GP2: variants seen among roughly 807,000 people sequenced by gnomAD.
GP2 encodes pancreatic secretory granule membrane major glycoprotein GP2.
A neutral mutation model predicts 60.8 loss-of-function variants in GP2; 58 were observed. The observed-to-expected ratio is 0.95, with a 90% CI of 0.77 to 1.19. The LOEUF (loss-of-function observed/expected upper bound fraction) is 1.19. Among genes scored for constraint, GP2 ranks in the 50% most tolerant of loss-of-function variants. The pLI, the probability that GP2 is intolerant of heterozygous loss-of-function variation, is 0.00. For missense variants in GP2, 647 were observed against 667.4 expected (o/e 0.97, Z 0.34); for synonymous variants, 280 against 253.4 (o/e 1.10, Z -1.00).
intron 4 of GP2, 40 bp downstream of exon 4, chr16:20,322,829 C>T (rs919879031): frequency 9.1e-7 from 1 of 1,093,814 alleles, no homozygotes; most frequent in African/African-American, 1.5e-5. Flanking sequence ...CCTGCCCTGC[C>T]CCCTCAGGAT....
intron 10 of GP2, 72 bp from the exon 11 acceptor site, chr16:20,311,353 T>C: frequency 1.1e-6 from 1 of 887,558 alleles, no homozygotes; most frequent in East Asian, 2.4e-5. Flanking sequence ...TTGGCCTCTT[T>C]GTCTTTCACA....
intron 2 of GP2, among the ~76,000 whole-genome samples, chr16:20,325,221 C>A (rs1381580418): frequency 6.6e-6 from 1 of 152,220 alleles, no homozygotes; most frequent in Non-Finnish European, 1.5e-5. Flanking sequence ...GACTCATTGG[C>A]AAAACCACAC....
chr16:20,320,808 A>T (rs116563128), intron 4 of GP2, among the ~76,000 whole-genome samples: 1 of 152,340 alleles, frequency 6.6e-6, no homozygotes, highest in South Asian at 2.1e-4. Flanking sequence ...CATCTGACCA[A>T]GTTCAGAGCT....
At chr16:20,322,830 C>G (rs762786752) in intron 4 of GP2, 39 bp downstream of exon 4, 22 of 1,108,114 alleles carry the variant, frequency 2.0e-5, no homozygotes, top group Non-Finnish European at 1.9e-5. Context: ...CTGCCCTGCC[C>G]CCTCAGGATG....
chr16:20,318,214 G>A lies in GP2; in HGVS notation c.1224C>T (p.Asp408=), dbSNP rs1456517318. ...TTCTGATGATGAAATACTTCACAAGGTCAGCCTTGTCTTCAGTGGGGGTGG... is the reference window on the plus strand; with the variant it reads ...TTCTGATGATGAAATACTTCACAAGATCAGCCTTGTCTTCAGTGGGGGTGG... ...CYATPTEDKA[D]LVKYFIIRNS... The change falls in exon 7 of 11, where the codon GAC becomes GAT. Residue 408 remains aspartate, a synonymous_variant. Transcript: ENST00000302555. The A allele has an allele frequency of 3.1e-6, 5 of 1,613,100 alleles. No homozygotes were observed. Among genetic ancestry groups the A allele is most frequent in the Non-Finnish European group, 4.2e-6 (5 of 1,179,154 alleles).
At chr16:20,323,284 GT>G in intron 3 of GP2, 5 of 693,790 alleles carry the variant, frequency 7.2e-6, no homozygotes, top group Non-Finnish European at 1.3e-5. Flanking sequence ...AGAATGCCAA[GT>G]TCAAATCCCA....
At chr16:20,316,536 A>G (rs1028910909) in intron 8 of GP2, among the ~76,000 whole-genome samples, 6 of 152,188 alleles carry the variant, frequency 3.9e-5, no homozygotes, top group Admixed American at 1.3e-4. Context: ...AGGCAAAATA[A>G]TCTACTTACA....
rs767119380 is a variant in GP2, at chr16:20,310,280, T to G, written c.*943A>C. ...AGGTACTCCCTTGGGTGATGGAGTT[T>G]CTGCATCAAATTAAGTCATTCCTCC... is the stretch of plus-strand genomic sequence containing the variant. On this transcript the variant is annotated 3_prime_UTR_variant, in exon 11 of 11. Transcript: ENST00000302555. 2 of 152,184 alleles carry G rather than the reference T, an allele frequency of 1.3e-5. No individual in the cohort carries two copies. Among genetic ancestry groups the G allele is most frequent in the African/African-American group, 2.4e-5 (1 of 41,420 alleles). The allele number at this position is 152,184 out of a possible 1,614,324, so 9.4% of individuals were successfully genotyped here.
chr16:20,312,853 T>G (rs1964030198), intron 10 of GP2, among the ~76,000 whole-genome samples: 1 of 152,106 alleles, frequency 6.6e-6, no homozygotes, highest in Admixed American at 6.5e-5. Context: ...TTTCTCCATG[T>G]TGGTCAGGCT....
In GP2 at chr16:20,316,890, C is replaced by T. The variant is rs113012222; in HGVS notation, c.1416+323G>A. Among the ~76,000 whole-genome samples, 1,077 of 151,192 alleles carry T rather than the reference C, an allele frequency of 7.1e-3. 15 individuals are homozygous for T. Among genetic ancestry groups the T allele is most frequent in the African/African-American group, 0.025 (1,032 of 41,096 alleles). Reference sequence around the variant, plus strand: ...ATCACTCCTGTATTCCTTTCTCCATCCCTCCTGTATTCCTTTCTCCCTCTC... The same window carrying T: ...ATCACTCCTGTATTCCTTTCTCCATTCCTCCTGTATTCCTTTCTCCCTCTC... On this transcript the variant is annotated intron_variant, in intron 8 of 10. Transcript: ENST00000302555.
intron 3 of GP2, among the ~76,000 whole-genome samples, 171 bp from the exon 4 acceptor site, chr16:20,323,150 C>A (rs866426477): frequency 6.6e-6 from 1 of 152,188 alleles, no homozygotes; most frequent in South Asian, 2.1e-4. Flanking sequence ...AGTGAGAGCC[C>A]TAAAGCTGCC....
chr16:20,314,830 G>T (rs1453661480), intron 9 of GP2, 129 bp from the exon 10 acceptor site: 2 of 737,586 alleles, frequency 2.7e-6, no homozygotes, highest in African/African-American at 1.7e-5. Flanking sequence ...TGGCCACATT[G>T]TGGGGGCATC....
Position 20,326,391 on chromosome 16 carries a change from A to G in GP2, c.41T>C (p.Leu14Pro), listed in dbSNP as rs768173308. ...AATGCAGGAGACCAAGGCCAGCCACAGGAGGCCAGAGCCCACCATCCTTTC... is the reference window on the plus strand; with the variant it reads ...AATGCAGGAGACCAAGGCCAGCCACGGGAGGCCAGAGCCCACCATCCTTTC... The part of the protein sequence containing the change: ...LMERMVGSGL[L>P]WLALVSCILT... The change falls in exon 2 of 11, where the codon CTG becomes CCG. Residue 14 changes from leucine (L) to proline (P), a missense_variant. Coordinates refer to ENST00000302555, the MANE Select transcript of GP2 (RefSeq NM_001502.4). 6.2e-7 allele frequency: 1 copy of G among 1,613,600 alleles called. No homozygotes were observed. The highest frequency in any genetic ancestry group is 1.7e-5 in the Admixed American group (1 of 60,018).
At chr16:20,323,399 G>C (rs1567291824) in intron 3 of GP2, 1 of 718,348 alleles carries the variant, frequency 1.4e-6, no homozygotes, top group Non-Finnish European at 2.6e-6. Context: ...ACTGGGGAGA[G>C]GATCAAATGA....
chr16:20,316,442 C>T (rs535626381), intron 8 of GP2, among the ~76,000 whole-genome samples: 6 of 152,316 alleles, frequency 3.9e-5, no homozygotes, highest in Admixed American at 2.6e-4. Context: ...AGCCACCTCT[C>T]GGCTGGGGCA....
intron 4 of GP2, 41 bp downstream of exon 4, chr16:20,322,828 C>G: frequency 9.2e-7 from 1 of 1,084,772 alleles, no homozygotes; most frequent in Non-Finnish European, 1.4e-6. Context: ...TCCTGCCCTG[C>G]CCCCTCAGGA....
chr16:20,311,202 G>A lies in GP2; in HGVS notation c.*21C>T. On this transcript the variant is annotated 3_prime_UTR_variant, in exon 11 of 11. Transcript: ENST00000302555. ...CAGAGGGAAGAACACAAACTTCAAG[G>A]CCAGATGCTCAGCGGAGCTCTCAGA... The A allele has an allele frequency of 9.0e-6, 14 of 1,560,408 alleles. No individual in the cohort carries two copies. The highest frequency in any genetic ancestry group is 1.1e-5 in the Non-Finnish European group (13 of 1,131,028).
chr16:20,322,219 A>AAGATC (rs1445847193), intron 4 of GP2, among the ~76,000 whole-genome samples: 3 of 152,212 alleles, frequency 2.0e-5, no homozygotes, highest in Admixed American at 2.0e-4. Flanking sequence ...TGCCAAAGGC[A>AAGATC]AGATCAAAGG....
At position 20,310,335 on chromosome 16, in the gene GP2, G is replaced by A. The variant is rs1963961826; in HGVS notation, c.*888C>T. 6.6e-6 allele frequency: 1 copy of A among 152,242 alleles called. No individual in the cohort carries two copies. The highest frequency in any genetic ancestry group is 1.5e-5 in the Non-Finnish European group (1 of 68,078). 9.4% of individuals were successfully genotyped at this position (152,242 alleles called of 1,614,324 possible). On this transcript the variant is annotated 3_prime_UTR_variant, in exon 11 of 11. Coordinates refer to ENST00000302555, the MANE Select transcript of GP2 (RefSeq NM_001502.4). ...TCTAGGTCCCAAGGATGTTTGTGTA[G>A]TTCTCTAAGTCACAGCATGTCTGTG... is the stretch of plus-strand genomic sequence containing the variant.
Sources: allele counts gnomAD v4.1 joint callset (sites outside exome capture counted in the v4.1 genomes callset), GRCh38; gene constraint gnomAD v4.1.1; transcripts MANE v1.5; gene names NCBI Gene and HGNC (gene_info 2026-07-23, HGNC 2026-07-21).